Variants in PCGF3 observed in about 807,000 individuals in gnomAD.
PCGF3 encodes the protein polycomb group RING finger protein 3.
Under a neutral mutation model 33.1 loss-of-function variants are expected in PCGF3, and 7 were observed. That is an observed-to-expected ratio of 0.21 (90% confidence interval 0.12 to 0.40). The LOEUF (loss-of-function observed/expected upper bound fraction) is 0.40. Among genes scored for constraint, PCGF3 ranks in the 10% least tolerant of loss-of-function variants. The pLI is 1.00. For synonymous variants in PCGF3, 153 were observed against 121.3 expected (o/e 1.26, Z -1.72); for missense variants, 211 against 313.3 (o/e 0.67, Z 2.46).
exon 11 of PCGF3, chr4:768,693 C>G (rs572931364): frequency 6.6e-6 from 1 of 151,196 alleles, no homozygotes; most frequent in East Asian, 1.9e-4. Flanking sequence ...AAAAAGAAAA[C>G]TTAACTTTAT....
intron 1 of PCGF3, among the ~76,000 whole-genome samples, chr4:714,436 A>G (rs1019193500): frequency 6.6e-6 from 1 of 152,186 alleles, no homozygotes; most frequent in African/African-American, 2.4e-5. Flanking sequence ...AGCAAGAACT[A>G]GGGGAGGCCC....
rs149119532 is a variant in PCGF3, at chr4:763,191, C to T, written c.600+1775C>T. 6.6e-5 allele frequency among the ~76,000 whole-genome samples: 10 copies of T among 152,220 alleles called. 1 individual carries two copies. The East Asian group carries it at 1.3e-3, about 21-fold the overall frequency. On this transcript the variant is annotated intron_variant, in intron 9 of 10. Coordinates refer to ENST00000362003, the Ensembl canonical transcript of PCGF3. ...GCAACGCTTTTTGCTAAGTTTCTAT[C>T]GTTTTGTTTGCTTTTCTGTGTAGCG...
intron 6 of PCGF3, among the ~76,000 whole-genome samples, chr4:743,243 C>T (rs928225241): frequency 1.3e-5 from 2 of 152,208 alleles, no homozygotes; most frequent in African/African-American, 4.8e-5. Flanking sequence ...CTGGAGCAGC[C>T]GGTCTGCGAC....
chr4:764,795 G>A (rs893466897), intron 9 of PCGF3, 189 bp from the exon 10 acceptor site: 2 of 570,330 alleles, frequency 3.5e-6, no homozygotes, highest in Middle Eastern at 4.8e-4. Context: ...GTGAGGTAGG[G>A]ACCACACTCC....
chr4:759,966 G>A (rs1264308450), intron 8 of PCGF3, among the ~76,000 whole-genome samples: 2 of 151,580 alleles, frequency 1.3e-5, no homozygotes, highest in East Asian at 1.9e-4. Context: ...CCTCTCTCCC[G>A]AGTTCTCTCT....
chr4:719,288 A>G (rs1742979914), intron 1 of PCGF3, among the ~76,000 whole-genome samples: 1 of 152,212 alleles, frequency 6.6e-6, no homozygotes, highest in African/African-American at 2.4e-5. Context: ...TTAGGGTGAC[A>G]TAGCTGTGCA....
chr4:728,591 G>A (rs560104838), intron 1 of PCGF3, among the ~76,000 whole-genome samples: 65 of 152,300 alleles, frequency 4.3e-4, no homozygotes, highest in African/African-American at 1.3e-3. Context: ...AGTCCCCCAC[G>A]GATACCAAGG....
intron 1 of PCGF3, among the ~76,000 whole-genome samples, chr4:726,676 G>A (rs1041316619): frequency 1.3e-5 from 2 of 152,000 alleles, no homozygotes; most frequent in African/African-American, 2.4e-5. Flanking sequence ...TCACCCACCC[G>A]GCCCTGGTTA....
intron 8 of PCGF3, among the ~76,000 whole-genome samples, chr4:752,210 C>G (rs1265473041): frequency 1.3e-5 from 2 of 152,218 alleles, no homozygotes; most frequent in East Asian, 3.8e-4. Flanking sequence ...TTGCTGTTCC[C>G]TCCTGAGGTC....
At chr4:732,135 G>T (rs1211516804) in intron 3 of PCGF3, among the ~76,000 whole-genome samples, 1 of 104,816 alleles carries the variant, frequency 9.5e-6, no homozygotes, top group Non-Finnish European at 2.0e-5. Context: ...CAGGGGCGTA[G>T]GGCGGGGCTC....
At chr4:736,880 G>A (rs192459908) in intron 5 of PCGF3, among the ~76,000 whole-genome samples, 25 of 115,318 alleles carry the variant, frequency 2.2e-4, no homozygotes, top group African/African-American at 8.7e-4. Context: ...GGGACGCGGG[G>A]AACCTGGGGT....
chr4:706,591 GGGACCCCAGACCAGGCA>G (rs1476207009), intron 1 of PCGF3, among the ~76,000 whole-genome samples: 3 of 106,012 alleles, frequency 2.8e-5, no homozygotes, highest in Non-Finnish European at 5.9e-5. Context: ...CGGGAGGGCA[GGGACCCCAGACCAGGCA>G]GGACCCCGGG....
At chr4:763,682 G>A (rs1035231989) in intron 9 of PCGF3, among the ~76,000 whole-genome samples, 4 of 152,072 alleles carry the variant, frequency 2.6e-5, no homozygotes, top group South Asian at 2.1e-4. Context: ...ACACACTCTC[G>A]GCAAACCACC....
intron 5 of PCGF3, 126 bp downstream of exon 5, chr4:735,153 A>G (rs1560205932): frequency 9.5e-7 from 1 of 1,055,380 alleles, no homozygotes. Flanking sequence ...TCTCCTGACC[A>G]AGGGCACCCC....
chr4:709,702 C>G (rs1332533315), intron 1 of PCGF3, among the ~76,000 whole-genome samples: 1 of 152,236 alleles, frequency 6.6e-6, no homozygotes, highest in African/African-American at 2.4e-5. Context: ...CCAAGAGAGA[C>G]ACTGAATTGG....
chr4:716,583 A>C (rs1208289000), intron 1 of PCGF3, among the ~76,000 whole-genome samples: 2 of 109,048 alleles, frequency 1.8e-5, no homozygotes, highest in Non-Finnish European at 3.6e-5. Context: ...CGGTGCTGGG[A>C]CCCTGTAGAC....
At chr4:717,634 T>C (rs948570691) in intron 1 of PCGF3, among the ~76,000 whole-genome samples, 1 of 152,194 alleles carries the variant, frequency 6.6e-6, no homozygotes, top group Non-Finnish European at 1.5e-5. Flanking sequence ...CACCTTGGCC[T>C]TGCAAAGTGC....
In PCGF3 at chr4:720,468, A is replaced by G. The variant is rs534662442; in HGVS notation, c.-189-10162A>G. On this transcript the variant is annotated intron_variant, in intron 1 of 10. Transcript: ENST00000362003. This position sits in a 1 kb window ranked among gnomAD's most constrained non-coding sequence, Gnocchi z 5.6. ...GTGCAGGGTCTCTTGTCAGGTGGACAGGGGCTGGCCCACCCGTGAGTGGGT... is the reference window on the plus strand; with the variant it reads ...GTGCAGGGTCTCTTGTCAGGTGGACGGGGGCTGGCCCACCCGTGAGTGGGT... 3.5e-4 allele frequency among the ~76,000 whole-genome samples: 54 copies of G among 152,284 alleles called. No individual in the cohort carries two copies. The highest frequency in any genetic ancestry group is 1.3e-3 in the African/African-American group (52 of 41,560).
At position 734,216 on chromosome 4, in the gene PCGF3, G is replaced by T. The variant is rs1461449601; in HGVS notation, c.109+427G>T. Reference sequence around the variant, plus strand: ...CTTTGGTGTTAGAGGACTCACACCTGGGGCTGGACCTGAGTGTTTTTCTAA... The same window carrying T: ...CTTTGGTGTTAGAGGACTCACACCTTGGGCTGGACCTGAGTGTTTTTCTAA... On this transcript the variant is annotated intron_variant, in intron 4 of 10. Transcript: ENST00000362003. The T allele has an allele frequency of 2.0e-6, 3 of 1,522,150 alleles. No homozygotes were observed. The African/African-American group carries it at 4.2e-5, about 21-fold the overall frequency. The allele number at this position is 1,522,150 out of a possible 1,614,324, so 94.3% of individuals were successfully genotyped here.
Sources: allele counts gnomAD v4.1 joint callset (sites outside exome capture counted in the v4.1 genomes callset), GRCh38; gene constraint gnomAD v4.1.1; non-coding constraint Gnocchi (gnomAD v3.1); transcripts MANE v1.5; gene names NCBI Gene and HGNC (gene_info 2026-07-23, HGNC 2026-07-21).